The following SCHIP1 variants were observed in gnomAD, a reference collection of about 807,000 sequenced individuals.
SCHIP1 encodes schwannomin interacting protein 1.
A neutral mutation model predicts 29.7 loss-of-function variants in SCHIP1; 8 were observed. That is an observed-to-expected ratio of 0.27 (90% confidence interval 0.16 to 0.49). SCHIP1 has a LOEUF of 0.49. Ranked by LOEUF, SCHIP1 falls within the 20% of genes least tolerant of loss-of-function variation. The pLI, the probability that SCHIP1 is intolerant of heterozygous loss-of-function variation, is 0.99. For missense variants in SCHIP1, 193 were observed against 294.6 expected (o/e 0.66, Z 2.52); for synonymous variants, 76 against 94.9 (o/e 0.80, Z 1.16).
chr3:159,883,622 T>C (rs915206493), intron 2 of SCHIP1, among the ~76,000 whole-genome samples: 1 of 152,150 alleles, frequency 6.6e-6, no homozygotes, highest in Non-Finnish European at 1.5e-5. Flanking sequence ...CTGAGCTCGT[T>C]TTAAGATGTC....
At chr3:159,684,436 T>A in the SCHIP1 span, among the ~76,000 whole-genome samples, 190 of 152,304 alleles carry the variant, frequency 1.2e-3, no homozygotes, top group African/African-American at 4.5e-3. Context: ...TGAGTAATAC[T>A]TTCTTCTTTC....
chr3:159,863,931 G>T (rs1714334306), intron 1 of SCHIP1, among the ~76,000 whole-genome samples: 1 of 152,176 alleles, frequency 6.6e-6, no homozygotes. Flanking sequence ...CCTGGGATAA[G>T]AGTTTTCTTT....
chr3:159,364,349 G>C, the SCHIP1 span, among the ~76,000 whole-genome samples: 27 of 152,178 alleles, frequency 1.8e-4, no homozygotes, highest in Middle Eastern at 6.8e-3. Context: ...GGACTTTGTG[G>C]CCTAGAATAT....
the SCHIP1 span, among the ~76,000 whole-genome samples, chr3:159,381,523 A>G: frequency 6.6e-6 from 1 of 152,148 alleles, no homozygotes; most frequent in African/African-American, 2.4e-5. Flanking sequence ...TTAAAGATTT[A>G]TGGAGAATAT....
chr3:159,475,373 CAA>C, the SCHIP1 span, among the ~76,000 whole-genome samples: 2 of 152,026 alleles, frequency 1.3e-5, no homozygotes, highest in Non-Finnish European at 2.9e-5. Context: ...CTAGAATAGA[CAA>C]ATCCATAAAG....
chr3:159,558,242 G>A, the SCHIP1 span, among the ~76,000 whole-genome samples: 1 of 152,190 alleles, frequency 6.6e-6, no homozygotes, highest in East Asian at 1.9e-4. Context: ...AAAACGGGAA[G>A]TATGCATCAG....
chr3:159,883,079 G>A (rs901104954), intron 2 of SCHIP1, among the ~76,000 whole-genome samples: 2 of 152,218 alleles, frequency 1.3e-5, no homozygotes, highest in African/African-American at 4.8e-5. Flanking sequence ...TGGTGTGTAA[G>A]GGAGAAGAGC....
the SCHIP1 span, chr3:159,274,088 T>C: frequency 2.0e-6 from 2 of 984,754 alleles, no homozygotes; most frequent in Admixed American, 6.1e-5. Context: ...AGTATGTGGA[T>C]ATTTGGTGCT....
At chr3:159,601,064 A>G in the SCHIP1 span, among the ~76,000 whole-genome samples, 1 of 152,212 alleles carries the variant, frequency 6.6e-6, no homozygotes, top group Non-Finnish European at 1.5e-5. Context: ...TGGTCTGACC[A>G]TACCTGTCTT....
intron 2 of SCHIP1, among the ~76,000 whole-genome samples, chr3:159,878,827 A>G (rs1216303711): frequency 1.4e-5 from 2 of 147,892 alleles, no homozygotes; most frequent in Non-Finnish European, 3.0e-5. Flanking sequence ...AAAATAAAAA[A>G]TAAATAAAAA....
chr3:159,615,704 C>T, the SCHIP1 span, among the ~76,000 whole-genome samples: 21 of 152,252 alleles, frequency 1.4e-4, no homozygotes, highest in South Asian at 4.4e-3. Context: ...CCTGACAGAA[C>T]TGAATAGAAT....
At chr3:159,494,480 A>G in the SCHIP1 span, among the ~76,000 whole-genome samples, 1 of 152,240 alleles carries the variant, frequency 6.6e-6, no homozygotes, top group African/African-American at 2.4e-5. Context: ...AAACACCTCT[A>G]CGCAAATAAA....
the SCHIP1 span, among the ~76,000 whole-genome samples, chr3:159,446,140 A>G: frequency 6.6e-6 from 1 of 152,046 alleles, no homozygotes; most frequent in Admixed American, 6.6e-5. Context: ...GCAATGGTGT[A>G]CCAGGTATAT....
At chr3:159,616,671 A>G in the SCHIP1 span, among the ~76,000 whole-genome samples, 1 of 152,226 alleles carries the variant, frequency 6.6e-6, no homozygotes, top group Non-Finnish European at 1.5e-5. Context: ...AGGCTAGGCC[A>G]TGCTGTGGTC....
At chr3:159,606,688 C>A in the SCHIP1 span, among the ~76,000 whole-genome samples, 16 of 152,228 alleles carry the variant, frequency 1.1e-4, 2 homozygotes, top group East Asian at 1.7e-3. Context: ...AGGAAGCAGG[C>A]TAGCCAGGAG....
the SCHIP1 span, among the ~76,000 whole-genome samples, chr3:159,380,478 T>C: frequency 1.3e-5 from 2 of 152,226 alleles, no homozygotes; most frequent in Non-Finnish European, 2.9e-5. Context: ...TCGTAAAAAA[T>C]AAGATTAATT....
chr3:159,345,226 C>A, the SCHIP1 span, among the ~76,000 whole-genome samples: 2,154 of 116,574 alleles, frequency 0.018, no homozygotes, highest in Middle Eastern at 0.033. Flanking sequence ...GACTCTGTCT[C>A]AAAAAAAAAA....
At chr3:159,510,167 C>T in the SCHIP1 span, among the ~76,000 whole-genome samples, 2 of 152,134 alleles carry the variant, frequency 1.3e-5, no homozygotes, top group South Asian at 4.1e-4. Flanking sequence ...ATGTTCATTT[C>T]TTTTTATTCT....
the SCHIP1 span, among the ~76,000 whole-genome samples, chr3:159,412,822 T>G: frequency 0.96 from 145,671 of 152,308 alleles, 69,692 homozygotes; most frequent in Admixed American, 0.97. Context: ...CAATGGATCT[T>G]TAGCCTGGGT....
Sources: allele counts gnomAD v4.1 joint callset (sites outside exome capture counted in the v4.1 genomes callset), GRCh38; gene constraint gnomAD v4.1.1; transcripts MANE v1.5; gene names NCBI Gene and HGNC (gene_info 2026-07-23, HGNC 2026-07-21).